The following PIBF1 variants were observed in gnomAD, a reference collection of about 807,000 sequenced individuals.
The protein encoded by PIBF1 is progesterone-induced-blocking factor 1.
Under a neutral mutation model 112.5 loss-of-function variants are expected in PIBF1, and 90 were observed. The observed-to-expected ratio is 0.80, with a 90% CI of 0.67 to 0.95. The LOEUF (loss-of-function observed/expected upper bound fraction) is 0.95, where lower values mean the gene tolerates loss of function less well. Among genes scored for constraint, PIBF1 ranks in the 40% least tolerant of loss-of-function variants. PIBF1 has a pLI of 0.00. For missense variants in PIBF1, 915 were observed against 852.3 expected, an observed-to-expected ratio of 1.07 and a Z score of -0.92; for synonymous variants, 301 against 288.6, an observed-to-expected ratio of 1.04 and a Z score of -0.44.
At chr13:72,921,695 A>T (rs910296848) in intron 13 of PIBF1, among the ~76,000 whole-genome samples, 1 of 152,162 alleles carries the variant, frequency 6.6e-6, no homozygotes, top group Non-Finnish European at 1.5e-5. Context: ...TTACTGAAAA[A>T]TATCATTAGT....
At chr13:72,975,440 A>G (rs913024048) in intron 16 of PIBF1, among the ~76,000 whole-genome samples, 2 of 152,166 alleles carry the variant, frequency 1.3e-5, no homozygotes, top group African/African-American at 2.4e-5. Context: ...TTGGGAAGAA[A>G]TTATTGGGAG....
intron 10 of PIBF1, among the ~76,000 whole-genome samples, chr13:72,880,490 C>G (rs1482399642): frequency 6.6e-6 from 1 of 152,072 alleles, no homozygotes; most frequent in Non-Finnish European, 1.5e-5. Flanking sequence ...AAGCATTTTA[C>G]CAATATTAAC....
rs117792526 is a variant in PIBF1, at chr13:72,892,364, G to A, written c.1323-1420G>A. Among the ~76,000 whole-genome samples, 441 of 152,132 alleles carry A rather than the reference G, an allele frequency of 2.9e-3. 16 individuals are homozygous for A. The East Asian group carries it at 0.065, about 23-fold the overall frequency. ...ATGTGCATTGTATGGAACTTCCACC[G>A]ATCTGAGACTTGAAGTAGCCCATGG... On this transcript the variant is annotated intron_variant, in intron 10 of 17. Transcript: ENST00000326291.
intron 2 of PIBF1, among the ~76,000 whole-genome samples, chr13:72,789,149 C>T (rs1215466332): frequency 6.6e-6 from 1 of 152,046 alleles, no homozygotes; most frequent in South Asian, 2.1e-4. Flanking sequence ...GATTCCCTTC[C>T]TTACTGTACT....
At chr13:72,807,113 TG>T (rs2035774654) in intron 5 of PIBF1, among the ~76,000 whole-genome samples, 1 of 151,788 alleles carries the variant, frequency 6.6e-6, no homozygotes, top group Admixed American at 6.6e-5. Flanking sequence ...GGGCAGACTT[TG>T]TAAGAAGTGT....
intron 17 of PIBF1, among the ~76,000 whole-genome samples, chr13:73,003,938 T>C (rs1472154431): frequency 1.3e-5 from 2 of 151,908 alleles, no homozygotes; most frequent in Non-Finnish European, 2.9e-5. Context: ...CTTGAACTCC[T>C]GGGCTCAAGC....
intron 2 of PIBF1, among the ~76,000 whole-genome samples, chr13:72,785,764 C>CTT (rs1215279932): frequency 6.6e-6 from 1 of 152,206 alleles, no homozygotes; most frequent in Non-Finnish European, 1.5e-5. Context: ...TTCATTAATT[C>CTT]ACCCACTCAG....
At chr13:72,860,724 AAAGAG>A (rs1277914796) in intron 10 of PIBF1, among the ~76,000 whole-genome samples, 82 of 152,178 alleles carry the variant, frequency 5.4e-4, no homozygotes, top group African/African-American at 6.5e-4. Context: ...CCTGTGTTAT[AAAGAG>A]AAATGTATGG....
intron 4 of PIBF1, among the ~76,000 whole-genome samples, chr13:72,797,460 G>T (rs985250358): frequency 6.6e-5 from 10 of 152,176 alleles, no homozygotes; most frequent in East Asian, 3.9e-4. Flanking sequence ...ATTAGGTAAA[G>T]AAATCAGGGA....
At chr13:72,788,622 A>G (rs973005234) in intron 2 of PIBF1, among the ~76,000 whole-genome samples, 4 of 152,208 alleles carry the variant, frequency 2.6e-5, no homozygotes, top group African/African-American at 4.8e-5. Context: ...CATGTGCCAA[A>G]TGAGTCAGTC....
At chr13:72,884,886 G>A (rs1049436026) in intron 10 of PIBF1, among the ~76,000 whole-genome samples, 1 of 152,008 alleles carries the variant, frequency 6.6e-6, no homozygotes, top group Non-Finnish European at 1.5e-5. Context: ...AATAAGAGGT[G>A]GGGAAATAGT....
chr13:72,917,251 G>C, intron 13 of PIBF1, 85 bp downstream of exon 13: 1 of 685,136 alleles, frequency 1.5e-6, no homozygotes, highest in South Asian at 2.7e-5. Context: ...GCTGAGTTCA[G>C]TGACAAAGTC....
chr13:72,982,467 T>C (rs1286848368), intron 16 of PIBF1, among the ~76,000 whole-genome samples: 1 of 151,914 alleles, frequency 6.6e-6, no homozygotes, highest in African/African-American at 2.4e-5. Context: ...TAAAAAAATA[T>C]TATCTATCCT....
At chr13:72,921,083 GTTTAT>G (rs1167323496) in intron 13 of PIBF1, among the ~76,000 whole-genome samples, 2 of 151,962 alleles carry the variant, frequency 1.3e-5, no homozygotes, top group African/African-American at 2.4e-5. Context: ...TAACAGTAAT[GTTTAT>G]TTTATTTTAT....
chr13:73,004,821 G>T (rs1414704366), intron 17 of PIBF1, among the ~76,000 whole-genome samples: 4 of 152,204 alleles, frequency 2.6e-5, no homozygotes, highest in Non-Finnish European at 5.9e-5. Context: ...GATGAAAAGA[G>T]TTCTATGGAT....
chr13:72,932,210 A>C lies in PIBF1; in HGVS notation c.1833+943A>C, dbSNP rs138600966. Among the ~76,000 whole-genome samples, 347 of 152,224 alleles carry C rather than the reference A, an allele frequency of 2.3e-3. 1 individual carries two copies. Among genetic ancestry groups the C allele is most frequent in the Middle Eastern group, 0.01 (3 of 294 alleles). Reference sequence around the variant, plus strand: ...CCACCTGCCTAGGGCCTCTGAAAGTACTGGGATTGGAGATGTGCCACTGCA... The same window carrying C: ...CCACCTGCCTAGGGCCTCTGAAAGTCCTGGGATTGGAGATGTGCCACTGCA... On this transcript the variant is annotated intron_variant, in intron 14 of 17. Coordinates refer to ENST00000326291, the MANE Select transcript of PIBF1 (RefSeq NM_006346.4).
At chr13:72,883,298 C>G (rs2039716502) in intron 10 of PIBF1, among the ~76,000 whole-genome samples, 1 of 152,020 alleles carries the variant, frequency 6.6e-6, no homozygotes, top group Non-Finnish European at 1.5e-5. Context: ...CAGCTGAACT[C>G]ATAGAGATAG....
chr13:72,870,617 T>C (rs1566384151), intron 10 of PIBF1, among the ~76,000 whole-genome samples: 1 of 152,154 alleles, frequency 6.6e-6, no homozygotes, highest in South Asian at 2.1e-4. Flanking sequence ...CTGAAATACA[T>C]ATATACATAT....
At chr13:72,864,435 C>T (rs2038837179) in intron 10 of PIBF1, among the ~76,000 whole-genome samples, 1 of 152,104 alleles carries the variant, frequency 6.6e-6, no homozygotes, top group African/African-American at 2.4e-5. Context: ...ATGAAGGAAA[C>T]ATTATATGTG....
Sources: allele counts gnomAD v4.1 joint callset (sites outside exome capture counted in the v4.1 genomes callset), GRCh38; gene constraint gnomAD v4.1.1; transcripts MANE v1.5; gene names NCBI Gene and HGNC (gene_info 2026-07-23, HGNC 2026-07-21).